ZNF462: variants seen among roughly 807,000 people sequenced by gnomAD.
ZNF462 encodes the protein zinc finger protein 462.
A neutral mutation model predicts 201.9 loss-of-function variants in ZNF462; 10 were observed. That is an observed-to-expected ratio of 0.05 (90% CI 0.03 to 0.08). ZNF462 has a LOEUF of 0.08. Ranked by LOEUF, ZNF462 falls within the 10% of genes least tolerant of loss-of-function variation. ZNF462 has a pLI of 1.00. For missense variants in ZNF462, 2,523 were observed against 3,168.3 expected (o/e 0.80, Z 4.89); for synonymous variants, 1,227 against 1,193.3 (o/e 1.03, Z -0.58).
chr9:106,980,490 C>T (rs1827336991), intron 9 of ZNF462, among the ~76,000 whole-genome samples: 1 of 152,126 alleles, frequency 6.6e-6, no homozygotes, highest in African/African-American at 2.4e-5. Flanking sequence ...TGAATCTGGG[C>T]TCTGCAGTGG....
rs1443389275 is a variant in ZNF462, at chr9:106,938,486, T to A, written c.6236-430T>A. On this transcript the variant is annotated intron_variant, in intron 6 of 12. Transcript: ENST00000277225. This position sits in a 1 kb window ranked among gnomAD's most constrained non-coding sequence, Gnocchi z 4.4. Reference sequence around the variant, plus strand: ...TTGTGATTAAAAAGCCACTAATAGATCTTTGGAATAATAATTAAGCATGTT... The same window carrying A: ...TTGTGATTAAAAAGCCACTAATAGAACTTTGGAATAATAATTAAGCATGTT... Among the ~76,000 whole-genome samples the A allele has an allele frequency of 6.6e-6, 1 of 152,120 alleles. No homozygotes were observed. Among genetic ancestry groups the A allele is most frequent in the Non-Finnish European group, 1.5e-5 (1 of 68,020 alleles).
rs760368064 is a variant in ZNF462, at chr9:106,929,379, G to A, written c.5467G>A (p.Glu1823Lys). The part of the protein sequence containing the change: ...DEHEKPTLME[E>K]EERGNFEKAE... Reference sequence around the variant, plus strand: ...GCATGAGAAGCCCACACTGATGGAAGAAGAGGAGAGAGGCAACTTTGAGAA... The same window carrying A: ...GCATGAGAAGCCCACACTGATGGAAAAAGAGGAGAGAGGCAACTTTGAGAA... The change falls in exon 3 of 13, where the codon GAA becomes AAA. Residue 1823 changes from glutamate (E) to lysine (K), a missense_variant. Glu to Lys is a moderately conservative substitution (Grantham distance 56). Coordinates refer to ENST00000277225, the MANE Select transcript of ZNF462 (RefSeq NM_021224.6). This position sits in a 1 kb window ranked among gnomAD's most constrained non-coding sequence, Gnocchi z 8.7. The A allele has an allele frequency of 3.1e-6, 5 of 1,614,142 alleles. No individual in the cohort carries two copies. Among genetic ancestry groups the A allele is most frequent in the South Asian group, 2.2e-5 (2 of 91,074 alleles).
chr9:106,926,988 A>G lies in ZNF462; in HGVS notation c.3076A>G (p.Thr1026Ala), dbSNP rs147262325. Residue 1026 changes from threonine to alanine, a missense_variant, in exon 3 of 13, where the codon ACT (threonine) becomes GCT (alanine). This residue lies in a region of ZNF462 where 280 missense variants were observed against 321.3 expected (regional missense o/e 0.87). Transcript: ENST00000277225. This position sits in a 1 kb window ranked among gnomAD's most constrained non-coding sequence, Gnocchi z 7.9. The stretch of plus-strand genomic sequence containing the variant: ...AAATCAGAAGGACCCTTTGGTCAAC[A>G]CTGTTGTTGTTTATGATTGTGATGT... ...CENQKDPLVN[T>A]VVVYDCDVCS... 6.5e-4 allele frequency: 1,047 copies of G among 1,614,144 alleles called. 3 individuals carry two copies. In the African/African-American group the frequency reaches 0.013, roughly 19 times the overall value.
At chr9:106,911,418 G>T (rs1195316686) in intron 1 of ZNF462, among the ~76,000 whole-genome samples, 1 of 152,126 alleles carries the variant, frequency 6.6e-6, no homozygotes, top group African/African-American at 2.4e-5. Context: ...TTTCATACAG[G>T]AAGGAAAACT....
chr9:106,925,486 T>C lies in ZNF462; in HGVS notation c.1574T>C (p.Ile525Thr). The C allele has an allele frequency of 1.9e-6, 3 of 1,614,072 alleles. No homozygotes were observed. The highest frequency in any genetic ancestry group is 2.5e-6 in the Non-Finnish European group (3 of 1,180,024). The change falls in exon 3 of 13, where the codon ATC (isoleucine) becomes ACC (threonine). Residue 525 changes from isoleucine to threonine, a missense_variant. Physicochemically the swap from Ile to Thr is moderately conservative, Grantham distance 89. Transcript: ENST00000277225. This position sits in a 1 kb window ranked among gnomAD's most constrained non-coding sequence, Gnocchi z 7.9. ...EGVVSYESSS[I>T]NGRKSGVMLD... ...GTGGTGTCTTATGAGAGCTCAAGCA[T>C]CAATGGTAGAAAGTCAGGAGTCATG...
chr9:107,004,604 T>G (rs1478609431), intron 11 of ZNF462, among the ~76,000 whole-genome samples: 1 of 152,152 alleles, frequency 6.6e-6, no homozygotes, highest in Non-Finnish European at 1.5e-5. Context: ...TTAAATTATT[T>G]TAATAAAAAT....
chr9:106,931,188 G>A (rs192733368), intron 4 of ZNF462, among the ~76,000 whole-genome samples: 43 of 152,194 alleles, frequency 2.8e-4, no homozygotes, highest in African/African-American at 1.0e-3. Flanking sequence ...AACTAAAAGC[G>A]TTCAAGTCGC....
intron 7 of ZNF462, among the ~76,000 whole-genome samples, chr9:106,943,810 G>A (rs1468303559): frequency 6.6e-6 from 1 of 152,026 alleles, no homozygotes; most frequent in African/African-American, 2.4e-5. Flanking sequence ...AATTGTACTG[G>A]GTCCTCAAAT....
In ZNF462 at chr9:106,935,684, C is replaced by A. The variant is rs537931725; in HGVS notation, c.6235+63C>A. On this transcript the variant is annotated intron_variant, in intron 6 of 12. Coordinates refer to ENST00000277225, the MANE Select transcript of ZNF462 (RefSeq NM_021224.6). This position sits in a 1 kb window ranked among gnomAD's most constrained non-coding sequence, Gnocchi z 4.1. ...CTCTCTGAGTTTGAAACCTGATGAT[C>A]TTTATTGAGTGAAATACTGTCCTGC... 9.2e-6 allele frequency: 12 copies of A among 1,299,280 alleles called. No homozygotes were observed. The highest frequency in any genetic ancestry group is 1.3e-5 in the Non-Finnish European group (12 of 898,638). 80.5% of individuals were successfully genotyped at this position (1,299,280 alleles called of 1,614,324 possible). A position where few individuals can be genotyped will look rare whatever the true frequency, so the allele number is the denominator to read the frequency against.
chr9:106,938,814 C>T lies in ZNF462; in HGVS notation c.6236-102C>T. 1 of 1,251,108 alleles carries T rather than the reference C, an allele frequency of 8.0e-7. No homozygotes were observed. The highest frequency in any genetic ancestry group is 1.1e-6 in the Non-Finnish European group (1 of 910,756). 77.5% of individuals were successfully genotyped at this position (1,251,108 alleles called of 1,614,324 possible). A position where few individuals can be genotyped will look rare whatever the true frequency, so the allele number is the denominator to read the frequency against. On this transcript the variant is annotated intron_variant, in intron 6 of 12. Coordinates refer to ENST00000277225, the MANE Select transcript of ZNF462 (RefSeq NM_021224.6). This position sits in a 1 kb window ranked among gnomAD's most constrained non-coding sequence, Gnocchi z 4.4. Reference sequence around the variant, plus strand: ...CATAGAACATGAAGCTTGAGATGCGCTTCTCTAGCATGAGTTAACTGAGTT... The same window carrying T: ...CATAGAACATGAAGCTTGAGATGCGTTTCTCTAGCATGAGTTAACTGAGTT...
Position 106,954,315 on chromosome 9 carries a change from AG to A in ZNF462, c.6427+15215del, listed in dbSNP as rs946575725. Among the ~76,000 whole-genome samples, 19 of 152,006 alleles carry A rather than the reference AG, an allele frequency of 1.2e-4. No individual in the cohort carries two copies. The highest frequency in any genetic ancestry group is 4.1e-4 in the African/African-American group (17 of 41,376). On this transcript the variant is annotated intron_variant, in intron 7 of 12. Coordinates refer to ENST00000277225, the MANE Select transcript of ZNF462 (RefSeq NM_021224.6). The surrounding 1 kb of genome is among the most constrained non-coding windows in gnomAD (Gnocchi z 4.0). The stretch of plus-strand genomic sequence containing the variant: ...GGTGGCAGGAGAGAGAAAGAGAGTG[AG>A]GGGGGGATGTGCCATACTTCTAAAC...
chr9:106,927,779 C>G lies in ZNF462; in HGVS notation c.3867C>G (p.Pro1289=), dbSNP rs544478870. 2.5e-6 allele frequency: 4 copies of G among 1,614,138 alleles called. No individual in the cohort carries two copies. The highest frequency in any genetic ancestry group is 3.4e-6 in the Non-Finnish European group (4 of 1,180,032). Residue 1289 remains proline (P), a synonymous_variant, in exon 3 of 13, where the codon CCC becomes CCG. Transcript: ENST00000277225. ...GGAAGCATATCAAGAAAGACCACCC[C>G]GCCCTGAAAGCCACAGTCACGTCCA... is the stretch of plus-strand genomic sequence containing the variant. ...ALRKHIKKDH[P]ALKATVTSIM...
Position 106,924,278 on chromosome 9 carries a change from C to G in ZNF462, c.366C>G (p.Leu122=), listed in dbSNP as rs1372012710. The G allele has an allele frequency of 6.2e-7, 1 of 1,614,076 alleles. No individual in the cohort carries two copies. The highest frequency in any genetic ancestry group is 1.1e-5 in the South Asian group (1 of 91,074). ...FCVRYFRSKN[L]LIEHTRKVHG... is the part of the protein sequence containing the mutation. The stretch of plus-strand genomic sequence containing the variant: ...TACGCTACTTCAGGTCAAAAAACCT[C>G]CTCATAGAACACACTAGAAAGGTCC... The change falls in exon 3 of 13, where the codon CTC becomes CTG. Residue 122 remains leucine, a synonymous_variant. Coordinates refer to ENST00000277225, the MANE Select transcript of ZNF462 (RefSeq NM_021224.6). This position sits in a 1 kb window ranked among gnomAD's most constrained non-coding sequence, Gnocchi z 6.2.
chr9:106,930,938 G>A lies in ZNF462; in HGVS notation c.6012+249G>A. The A allele has an allele frequency of 7.0e-6, 3 of 428,330 alleles. No homozygotes were observed. Among genetic ancestry groups the A allele is most frequent in the Non-Finnish European group, 1.3e-5 (3 of 232,294 alleles). 26.5% of individuals were successfully genotyped at this position (428,330 alleles called of 1,614,324 possible). A position where few individuals can be genotyped will look rare whatever the true frequency, so the allele number is the denominator to read the frequency against. On this transcript the variant is annotated intron_variant, in intron 4 of 12. Coordinates refer to ENST00000277225, the MANE Select transcript of ZNF462 (RefSeq NM_021224.6). This position sits in a 1 kb window ranked among gnomAD's most constrained non-coding sequence, Gnocchi z 5.8. ...AGTTTGGTGGCAGCAGAAGGTCCAG[G>A]ATTCTCGGTCTAGGAGGCTTCGGGT... is the stretch of plus-strand genomic sequence containing the variant.
intron 1 of ZNF462, among the ~76,000 whole-genome samples, chr9:106,882,035 T>C (rs1401224077): frequency 6.6e-6 from 1 of 152,230 alleles, no homozygotes; most frequent in Non-Finnish European, 1.5e-5. Flanking sequence ...TTTAATGTCT[T>C]ACAAGCCTTT....
chr9:106,955,557 G>T (rs997484775), intron 7 of ZNF462, among the ~76,000 whole-genome samples: 11 of 152,068 alleles, frequency 7.2e-5, no homozygotes, highest in Admixed American at 7.2e-4. Flanking sequence ...AAACAACAAT[G>T]AAGTTTGCCA....
Position 106,932,622 on chromosome 9 carries a change from G to C in ZNF462, c.6116+73G>C. On this transcript the variant is annotated intron_variant, in intron 5 of 12. Coordinates refer to ENST00000277225, the MANE Select transcript of ZNF462 (RefSeq NM_021224.6). This position sits in a 1 kb window ranked among gnomAD's most constrained non-coding sequence, Gnocchi z 6.8. Reference sequence around the variant, plus strand: ...TAGTGGAAGGCACTAAGCTAAAGCAGAAGCTTGGATGAGTAAGAAGGCCCC... The same window carrying C: ...TAGTGGAAGGCACTAAGCTAAAGCACAAGCTTGGATGAGTAAGAAGGCCCC... The C allele has an allele frequency of 4.4e-6, 7 of 1,599,000 alleles. No homozygotes were observed. The highest frequency in any genetic ancestry group is 6.0e-6 in the Non-Finnish European group (7 of 1,170,112).
At chr9:106,994,146 A>G (rs1828509384) in intron 10 of ZNF462, among the ~76,000 whole-genome samples, 1 of 152,144 alleles carries the variant, frequency 6.6e-6, no homozygotes, top group South Asian at 2.1e-4. Context: ...AGGATAGTCT[A>G]TTCAGGCAAT....
chr9:106,941,409 G>A (rs1049375857), intron 7 of ZNF462, among the ~76,000 whole-genome samples: 3 of 152,162 alleles, frequency 2.0e-5, no homozygotes, highest in Non-Finnish European at 4.4e-5. Flanking sequence ...GGAGGAGTGG[G>A]TGTCACAGAA....
Sources: gnomAD v4.1 joint callset for allele counts (sites outside exome capture counted in the v4.1 genomes callset) on GRCh38, gnomAD v4.1.1 for gene constraint, gnomAD v4.1.1 regional missense constraint, Gnocchi (gnomAD v3.1) non-coding constraint, MANE v1.5 for transcripts, NCBI Gene and HGNC (gene_info 2026-07-23, HGNC 2026-07-21) for gene names.